Variants in PLAU observed in about 807,000 individuals in gnomAD.
The protein encoded by PLAU is urokinase-type plasminogen activator.
Under a neutral mutation model 48.9 loss-of-function variants are expected in PLAU, and 32 were observed. The observed-to-expected ratio is 0.65, with a 90% CI of 0.49 to 0.88. The LOEUF (loss-of-function observed/expected upper bound fraction) is 0.88, where lower values mean the gene tolerates loss of function less well. Ranked by LOEUF, PLAU falls within the 40% of genes least tolerant of loss-of-function variation. The pLI, the probability that PLAU is intolerant of heterozygous loss-of-function variation, is 0.00. For synonymous variants in PLAU, 199 were observed against 205.7 expected (o/e 0.97, Z 0.28); for missense variants, 455 against 545.2 (o/e 0.83, Z 1.65).
Position 73,916,096 on chromosome 10 carries a change from T to C in PLAU, c.1120-293T>C, listed in dbSNP as rs2096136137. Among the ~76,000 whole-genome samples, 2 of 151,936 alleles carry C rather than the reference T, an allele frequency of 1.3e-5. 1 individual carries two copies. Among genetic ancestry groups the C allele is most frequent in the African/African-American group, 4.8e-5 (2 of 41,360 alleles). On this transcript the variant is annotated intron_variant, in intron 10 of 10. Coordinates refer to ENST00000372764, the MANE Select transcript of PLAU (RefSeq NM_002658.6). ...GTCTACTAAAAATGCAAAAAAAAATTAGCCAGGTGTGGTGGTGCCTGCCTG... is the reference window on the plus strand; with the variant it reads ...GTCTACTAAAAATGCAAAAAAAAATCAGCCAGGTGTGGTGGTGCCTGCCTG...
chr10:73,914,657 C>A (rs2096132440), intron 8 of PLAU, 119 bp from the exon 9 acceptor site: 23 of 933,284 alleles, frequency 2.5e-5, no homozygotes, highest in Non-Finnish European at 3.4e-5. Flanking sequence ...GACCAGCAGA[C>A]CTCCCTGGAT....
At chr10:73,911,932 CGAGAGG>C (rs1265470853) in intron 2 of PLAU, 103 bp from the exon 3 acceptor site, 2 of 1,606,612 alleles carry the variant, frequency 1.2e-6, no homozygotes, top group African/African-American at 2.7e-5. Flanking sequence ...CAGGGTGAGG[CGAGAGG>C]GAGAGGGAAG....
rs55744193 is a variant in PLAU, at chr10:73,912,301, G to A, written c.172G>A (p.Gly58Arg). ...CTGGTGCAACTGCCCAAAGAAATTC[G>A]GAGGGCAGCACTGTGAAATAGGTAT... ...IHWCNCPKKF[G>R]GQHCEIDKSK... Residue 58 changes from glycine to arginine, a missense_variant, in exon 4 of 11, where the codon GGA (glycine) becomes AGA (arginine). Transcript: ENST00000372764. The A allele has an allele frequency of 6.4e-3, 10,328 of 1,613,398 alleles. 52 individuals carry two copies. Among genetic ancestry groups the A allele is most frequent in the Non-Finnish European group, 7.9e-3 (9,326 of 1,179,952 alleles).
Position 73,912,086 on chromosome 10 carries a change from C to A in PLAU, c.85+18C>A, listed in dbSNP as rs562937160. ...AGTTCCATGTGAGTATCCACCCCTA[C>A]AACAGTTGGCTGCACAGACAAGTTG... On this transcript the variant is annotated intron_variant, in intron 3 of 10. Coordinates refer to ENST00000372764, the MANE Select transcript of PLAU (RefSeq NM_002658.6). The A allele has an allele frequency of 6.2e-7, 1 of 1,604,188 alleles. No individual in the cohort carries two copies. The highest frequency in any genetic ancestry group is 8.5e-7 in the Non-Finnish European group (1 of 1,173,980).
At chr10:73,909,029 G>A (rs2131709605), upstream of PLAU, 39 of 152,066 alleles carry the variant, frequency 2.6e-4, no homozygotes, top group African/African-American at 7.5e-4. Context: ...AAAGATTAGC[G>A]CATGGATAAG....
At position 73,913,354 on chromosome 10, in the gene PLAU, G is replaced by C; in HGVS notation, c.433G>C (p.Glu145Gln). The C allele has an allele frequency of 6.2e-7, 1 of 1,614,150 alleles. No individual in the cohort carries two copies. The highest frequency in any genetic ancestry group is 8.5e-7 in the Non-Finnish European group (1 of 1,180,006). Residue 145 changes from glutamate to glutamine, a missense_variant, in exon 6 of 11, where the codon GAG becomes CAG. Transcript: ENST00000372764. ...GGTGGGCCTAAAGCTGCTTGTCCAA[G>C]AGTGCATGGTGCATGACTGCGCAGA... ...VQVGLKLLVQ[E>Q]CMVHDCADGK...
At chr10:73,914,222 G>A in intron 8 of PLAU, 94 bp downstream of exon 8, 1 of 1,323,688 alleles carries the variant, frequency 7.6e-7, no homozygotes, top group Non-Finnish European at 1.1e-6. Context: ...CTGCCCGGTG[G>A]GGCAGGGGTG....
In PLAU at chr10:73,915,273, G is replaced by A. The variant is rs1565611407; in HGVS notation, c.993G>A (p.Gln331=). 1 of 1,613,970 alleles carries A rather than the reference G, an allele frequency of 6.2e-7. No individual in the cohort carries two copies. Among genetic ancestry groups the A allele is most frequent in the Non-Finnish European group, 8.5e-7 (1 of 1,179,914 alleles). ...ENSTDYLYPE[Q]LKMTVVKLIS... The stretch of plus-strand genomic sequence containing the variant: ...TAGCCGACTATCTCTATCCGGAGCA[G>A]CTGAAAATGACTGTTGTGAAGCTGA... The change falls in exon 10 of 11, where the codon CAG becomes CAA. Residue 331 remains glutamine, a synonymous_variant. Coordinates refer to ENST00000372764, the MANE Select transcript of PLAU (RefSeq NM_002658.6).
rs886047212 is a variant in PLAU, at chr10:73,917,445, T to A, written c.*880T>A. 6.6e-6 allele frequency: 1 copy of A among 152,624 alleles called. No individual in the cohort carries two copies. Among genetic ancestry groups the A allele is most frequent in the Non-Finnish European group, 1.5e-5 (1 of 68,012 alleles). 9.5% of individuals were successfully genotyped at this position (152,624 alleles called of 1,614,324 possible). ...ATTTATATTTCACTATTTTTATTTA[T>A]ATTTTTGTAATTTTAAATAAAAGTG... On this transcript the variant is annotated 3_prime_UTR_variant, in exon 11 of 11. Coordinates refer to ENST00000372764, the MANE Select transcript of PLAU (RefSeq NM_002658.6).
chr10:73,912,904 A>G lies in PLAU; in HGVS notation c.194-20A>G, dbSNP rs1275759833. ...GTTCTTCTCTTTCTCATATTCTCTC[A>G]TCCTCCTGTCCCCTTGTAGATAAGT... On this transcript the variant is annotated intron_variant, in intron 4 of 10. Coordinates refer to ENST00000372764, the MANE Select transcript of PLAU (RefSeq NM_002658.6). 1 of 1,566,338 alleles carries G rather than the reference A, an allele frequency of 6.4e-7. No homozygotes were observed. Among genetic ancestry groups the G allele is most frequent in the Admixed American group, 2.0e-5 (1 of 50,110 alleles).
At chr10:73,911,804 G>A (rs1451290572) in intron 2 of PLAU, 192 bp downstream of exon 2, 3 of 1,551,748 alleles carry the variant, frequency 1.9e-6, no homozygotes, top group Admixed American at 2.0e-5. Flanking sequence ...TGGCAAGGGA[G>A]GAAGAGGCCG....
intron 3 of PLAU, 61 bp downstream of exon 3, chr10:73,912,129 A>C: frequency 6.2e-7 from 1 of 1,609,066 alleles, no homozygotes; most frequent in Non-Finnish European, 8.5e-7. Flanking sequence ...TTCAGGGGAC[A>C]TCCCCTCCCT....
At position 73,911,543 on chromosome 10, in the gene PLAU, C is replaced by G. The variant is rs549887547; in HGVS notation, c.-13C>G. On this transcript the variant is annotated 5_prime_UTR_variant, in exon 2 of 11. Transcript: ENST00000372764. The stretch of plus-strand genomic sequence containing the variant: ...TTTGCAGAGCCGCCGTCTAGCGCCC[C>G]GACCTCGCCACCATGAGAGCCCTGC... 29 of 1,611,350 alleles carry G rather than the reference C, an allele frequency of 1.8e-5. No individual in the cohort carries two copies. Among genetic ancestry groups the G allele is most frequent in the Non-Finnish European group, 2.3e-5 (27 of 1,179,874 alleles).
chr10:73,915,326 A>G lies in PLAU; in HGVS notation c.1046A>G (p.His349Arg). The change falls in exon 10 of 11, where the codon CAC becomes CGC. Residue 349 changes from histidine to arginine, a missense_variant. Physicochemically the swap from His to Arg is conservative, Grantham distance 29 (BLOSUM62 0). Transcript: ENST00000372764. ...LISHRECQQP[H>R]YYGSEVTTKM... The stretch of plus-strand genomic sequence containing the variant: ...TCCCACCGGGAGTGTCAGCAGCCCC[A>G]CTACTACGGCTCTGAAGTCACCACC... The G allele has an allele frequency of 1.2e-6, 2 of 1,613,934 alleles. No homozygotes were observed. The highest frequency in any genetic ancestry group is 1.7e-6 in the Non-Finnish European group (2 of 1,179,888).
chr10:73,914,977 C>T, intron 9 of PLAU, 61 bp downstream of exon 9: 1 of 1,565,664 alleles, frequency 6.4e-7, no homozygotes, highest in Non-Finnish European at 8.7e-7. Context: ...TGAAAATGAG[C>T]CCAGCGTGAT....
chr10:73,912,108 G>A lies in PLAU; in HGVS notation c.85+40G>A, dbSNP rs186669250. The A allele has an allele frequency of 3.3e-4, 532 of 1,604,812 alleles. 3 individuals carry two copies. The African/African-American group carries it at 6.2e-3, about 19-fold the overall frequency. On this transcript the variant is annotated intron_variant, in intron 3 of 10. Coordinates refer to ENST00000372764, the MANE Select transcript of PLAU (RefSeq NM_002658.6). ...CTACAACAGTTGGCTGCACAGACAA[G>A]TTGGGAAGGCTTCAGGGGACATCCC...
intron 10 of PLAU, 143 bp from the exon 11 acceptor site, chr10:73,916,246 C>G (rs570437714): frequency 2.7e-6 from 2 of 742,892 alleles, no homozygotes; most frequent in South Asian, 1.7e-5. Context: ...CTGTCCTCCC[C>G]CCGAAAAAAA....
chr10:73,909,454 A>G (rs2096120377), upstream of PLAU, among the ~76,000 whole-genome samples: 1 of 152,214 alleles, frequency 6.6e-6, no homozygotes, highest in Non-Finnish European at 1.5e-5. Context: ...TGTCCCCTGG[A>G]AGGCTGGCAG....
Position 73,917,405 on chromosome 10 carries a change from T to G in PLAU, c.*840T>G, listed in dbSNP as rs2096139352. 9.0e-6 allele frequency: 1 copy of G among 111,426 alleles called. No individual in the cohort carries two copies. Among genetic ancestry groups the G allele is most frequent in the African/African-American group, 3.1e-5 (1 of 32,628 alleles). 6.9% of individuals were successfully genotyped at this position (111,426 alleles called of 1,614,324 possible). On this transcript the variant is annotated 3_prime_UTR_variant, in exon 11 of 11. Transcript: ENST00000372764. ...CCTCACTGGGTGGGGTGAGGACCAC[T>G]CCTGTACACTGAATATTTATATTTC...
Sources: allele counts gnomAD v4.1 joint callset (sites outside exome capture counted in the v4.1 genomes callset), GRCh38; gene constraint gnomAD v4.1.1; transcripts MANE v1.5; gene names NCBI Gene and HGNC (gene_info 2026-07-23, HGNC 2026-07-21).